FHIT: variants seen among roughly 807,000 people sequenced by gnomAD.
FHIT encodes the protein fragile histidine triad diadenosine triphosphatase.
FHIT carries 19 observed loss-of-function variants against 17.9 expected under a neutral mutation model. That is an observed-to-expected ratio of 1.06 (90% CI 0.74 to 1.56). The LOEUF (loss-of-function observed/expected upper bound fraction) is 1.56. FHIT is among the 40% of genes most tolerant of loss of function. The pLI is 0.00. For synonymous variants in FHIT, 81 were observed against 69.7 expected (o/e 1.16, Z -0.81); for missense variants, 248 against 189.2 (o/e 1.31, Z -1.82).
intron 2 of FHIT, among the ~76,000 whole-genome samples, chr3:61,058,881 G>A (rs932576079): frequency 1.3e-5 from 2 of 152,082 alleles, no homozygotes; most frequent in African/African-American, 4.8e-5. Context: ...CTTGCTCAAG[G>A]TCATACAGCT....
At chr3:59,750,434 G>C (rs1485353209) in intron 9 of FHIT, 1 of 224,092 alleles carries the variant, frequency 4.5e-6, no homozygotes, top group African/African-American at 2.2e-5. Flanking sequence ...TTCATAAGAG[G>C]AACAGAAAGA....
rs148349680 is a variant in FHIT at position 60,212,037 on chromosome 3, T to C, written c.104-197885A>G. Among the ~76,000 whole-genome samples, 849 of 152,344 alleles carry C rather than the reference T, an allele frequency of 5.6e-3. 11 individuals are homozygous for C. The highest frequency in any genetic ancestry group is 0.019 in the African/African-American group (807 of 41,588). ...GTACACTAGGTTAAATTCTTCCTAA[T>C]TGACTGTGGCCAAGTCTGCTCACGC... On this transcript the variant is annotated intron_variant, in intron 5 of 9. Coordinates refer to ENST00000492590, the MANE Select transcript of FHIT (RefSeq NM_002012.4).
intron 5 of FHIT, among the ~76,000 whole-genome samples, chr3:60,264,045 A>C (rs370044416): frequency 6.6e-6 from 1 of 152,058 alleles, no homozygotes; most frequent in South Asian, 2.1e-4. Context: ...TGGTTAGCTA[A>C]GGGTACCATC....
At chr3:60,087,725 T>C (rs1291598643) in intron 5 of FHIT, among the ~76,000 whole-genome samples, 1 of 152,228 alleles carries the variant, frequency 6.6e-6, no homozygotes, top group African/African-American at 2.4e-5. Flanking sequence ...TTTTTCATTT[T>C]CATCTGAGAC....
At position 60,356,937 on chromosome 3, in the gene FHIT, G is replaced by A. The variant is rs1263779722; in HGVS notation, c.103+179923C>T. 3.9e-5 allele frequency among the ~76,000 whole-genome samples: 6 copies of A among 152,172 alleles called. 1 individual carries two copies. In the South Asian group the frequency reaches 1.2e-3, roughly 32 times the overall value. Reference sequence around the variant, plus strand: ...TGGGCCAGGTGCTTTACATGTCATAGATCAATACCAAACAACTAGTGAAAT... The same window carrying A: ...TGGGCCAGGTGCTTTACATGTCATAAATCAATACCAAACAACTAGTGAAAT... On this transcript the variant is annotated intron_variant, in intron 5 of 9. Coordinates refer to ENST00000492590, the MANE Select transcript of FHIT (RefSeq NM_002012.4).
intron 4 of FHIT, among the ~76,000 whole-genome samples, chr3:60,729,039 A>G (rs17063886): frequency 0.011 from 1,733 of 152,344 alleles, 25 homozygotes; most frequent in African/African-American, 0.032. Flanking sequence ...CAAAATTCAC[A>G]TATGCCAAAA....
chr3:60,583,799 G>A (rs895916046), intron 4 of FHIT, among the ~76,000 whole-genome samples: 4 of 152,070 alleles, frequency 2.6e-5, no homozygotes, highest in African/African-American at 9.7e-5. Context: ...CATGCTCAAA[G>A]AGCAAATGTA....
At chr3:60,639,703 G>T (rs2039678458) in intron 4 of FHIT, among the ~76,000 whole-genome samples, 1 of 152,196 alleles carries the variant, frequency 6.6e-6, no homozygotes, top group Non-Finnish European at 1.5e-5. Context: ...AGGAACTAAA[G>T]GGGGTTATTT....
chr3:60,680,114 T>C (rs977403729), intron 4 of FHIT, among the ~76,000 whole-genome samples: 2 of 152,230 alleles, frequency 1.3e-5, no homozygotes, highest in Non-Finnish European at 2.9e-5. Context: ...TCTTCAACTA[T>C]TCTGGATGAT....
intron 4 of FHIT, among the ~76,000 whole-genome samples, chr3:60,644,722 C>T (rs2107796836): frequency 6.6e-6 from 1 of 152,292 alleles, no homozygotes; most frequent in Non-Finnish European, 1.5e-5. Context: ...CTTCAGGTTA[C>T]ACATACAGTC....
chr3:60,177,314 TAGTC>T (rs1200234979), intron 5 of FHIT, among the ~76,000 whole-genome samples: 3 of 148,748 alleles, frequency 2.0e-5, no homozygotes, highest in Non-Finnish European at 4.4e-5. Context: ...TAGAATTTGA[TAGTC>T]AGTTACTTAA....
chr3:61,117,304 A>G (rs2036326966), intron 2 of FHIT, among the ~76,000 whole-genome samples: 1 of 152,162 alleles, frequency 6.6e-6, no homozygotes, highest in Admixed American at 6.5e-5. Context: ...TTCTGTTTAA[A>G]TTCAGTTTAC....
intron 1 of FHIT, among the ~76,000 whole-genome samples, chr3:61,239,173 G>C (rs981301734): frequency 6.6e-6 from 1 of 152,120 alleles, no homozygotes; most frequent in Non-Finnish European, 1.5e-5. Context: ...ACAGCAAACA[G>C]CATGGATCCA....
At position 60,441,188 on chromosome 3, in the gene FHIT, T is replaced by C. The variant is rs116341181; in HGVS notation, c.103+95672A>G. 7.3e-3 allele frequency among the ~76,000 whole-genome samples: 1,115 copies of C among 152,220 alleles called. 13 individuals are homozygous for C. Among genetic ancestry groups the C allele is most frequent in the African/African-American group, 0.025 (1,049 of 41,568 alleles). On this transcript the variant is annotated intron_variant, in intron 5 of 9. Transcript: ENST00000492590. ...GCCATTTTACACAGAAGGGACCTAATTCTGAATGATTCACCAATATTCGAT... is the reference window on the plus strand; with the variant it reads ...GCCATTTTACACAGAAGGGACCTAACTCTGAATGATTCACCAATATTCGAT...
chr3:60,751,582 A>G (rs1553716854), intron 4 of FHIT, among the ~76,000 whole-genome samples: 1 of 152,210 alleles, frequency 6.6e-6, no homozygotes, highest in Non-Finnish European at 1.5e-5. Context: ...ATTACAACAA[A>G]TATTTTTGTC....
At chr3:60,501,225 G>T (rs2034512495) in intron 5 of FHIT, among the ~76,000 whole-genome samples, 1 of 152,232 alleles carries the variant, frequency 6.6e-6, no homozygotes, top group South Asian at 2.1e-4. Context: ...GAAGTAATAT[G>T]ATCCAAGGAG....
chr3:60,924,397 C>A (rs1707463374), intron 3 of FHIT, among the ~76,000 whole-genome samples: 1 of 152,134 alleles, frequency 6.6e-6, no homozygotes, highest in African/African-American at 2.4e-5. Flanking sequence ...ATTTGCTGTT[C>A]ACCAATATCC....
intron 3 of FHIT, among the ~76,000 whole-genome samples, chr3:60,968,487 G>C (rs1366467995): frequency 6.7e-6 from 1 of 149,142 alleles, no homozygotes; most frequent in Non-Finnish European, 1.5e-5. Flanking sequence ...GCATGATCTT[G>C]GCTCACTGCA....
chr3:60,493,516 A>G (rs2034155048), intron 5 of FHIT, among the ~76,000 whole-genome samples: 1 of 152,220 alleles, frequency 6.6e-6, no homozygotes, highest in South Asian at 2.1e-4. Flanking sequence ...GGAATATATA[A>G]GCTGCAATGT....
Sources: allele counts gnomAD v4.1 joint callset (sites outside exome capture counted in the v4.1 genomes callset), GRCh38; gene constraint gnomAD v4.1.1; transcripts MANE v1.5; gene names NCBI Gene and HGNC (gene_info 2026-07-23, HGNC 2026-07-21).